Variants in ABCB9 observed in about 807,000 individuals in gnomAD.
ABCB9 encodes the protein ATP binding cassette subfamily B member 9, also known as ABC-type oligopeptide transporter ABCB9.
Under a neutral mutation model 62.0 loss-of-function variants are expected in ABCB9, and 36 were observed. The ratio of observed to expected loss-of-function variants is 0.58; its 90% CI spans 0.45 to 0.77. ABCB9 has a LOEUF of 0.77. ABCB9 is among the 30% of genes least tolerant of loss of function. The pLI is 0.00. For missense variants in ABCB9, 943 were observed against 1,054.7 expected (o/e 0.89, Z 1.47); for synonymous variants, 435 against 461.4 (o/e 0.94, Z 0.73).
rs1035168072 is a variant in ABCB9 at position 122,923,548 on chromosome 12, C to G, written c.2041-2505G>C. 2.6e-5 allele frequency among the ~76,000 whole-genome samples: 4 copies of G among 152,284 alleles called. No homozygotes were observed. The East Asian group carries it at 7.7e-4, about 29-fold the overall frequency. On this transcript the variant is annotated intron_variant, in intron 11 of 11. Transcript: ENST00000344275. Reference sequence around the variant, plus strand: ...TCGTGATCCGCCCGCCTTGGCCTCCCAAAGTGCTGGGATTACAGACATGAG... The same window carrying G: ...TCGTGATCCGCCCGCCTTGGCCTCCGAAAGTGCTGGGATTACAGACATGAG...
chr12:122,974,166 G>T (rs2037341311), intron 1 of ABCB9, among the ~76,000 whole-genome samples: 1 of 152,206 alleles, frequency 6.6e-6, no homozygotes, highest in Admixed American at 6.5e-5. Context: ...GGGTGGCTGG[G>T]GAGCCGACCT....
intron 2 of ABCB9, 130 bp from the exon 3 acceptor site, chr12:122,950,695 ACT>A: frequency 1.4e-6 from 1 of 729,828 alleles, no homozygotes; most frequent in Non-Finnish European, 2.2e-6. Context: ...CCCTCGGCAA[ACT>A]CTTGCTGCCC....
intron 10 of ABCB9, among the ~76,000 whole-genome samples, chr12:122,934,229 C>T (rs2035341064): frequency 6.6e-6 from 1 of 152,154 alleles, no homozygotes; most frequent in Admixed American, 6.6e-5. Context: ...GCCTGGGCGA[C>T]AGAGTGAGAC....
In ABCB9 at chr12:122,930,511, G is replaced by A. The variant is rs1422936140; in HGVS notation, c.2041-340C>T. On this transcript the variant is annotated intron_variant, in intron 11 of 11. Coordinates refer to ENST00000280560, the MANE Select transcript of ABCB9 (RefSeq NM_019625.4). This position sits in a 1 kb window ranked among gnomAD's most constrained non-coding sequence, Gnocchi z 4.9. Reference sequence around the variant, plus strand: ...CAACCTCTGCCTCGTGGGTTCAATCGAGTCTCACGCCTCAGCTTCCCAAGT... The same window carrying A: ...CAACCTCTGCCTCGTGGGTTCAATCAAGTCTCACGCCTCAGCTTCCCAAGT... Among the ~76,000 whole-genome samples, 9 of 150,234 alleles carry A rather than the reference G, an allele frequency of 6.0e-5. No individual in the cohort carries two copies. The highest frequency in any genetic ancestry group is 7.4e-5 in the Non-Finnish European group (5 of 67,710).
At chr12:122,969,368 C>T (rs1467432645), upstream of ABCB9, among the ~76,000 whole-genome samples, 1 of 152,208 alleles carries the variant, frequency 6.6e-6, no homozygotes, top group Non-Finnish European at 1.5e-5. Context: ...GGTTGCACAA[C>T]TCTGTGAATA....
downstream of ABCB9, among the ~76,000 whole-genome samples, chr12:122,919,068 C>T (rs1030373577): frequency 2.8e-4 from 42 of 152,296 alleles, no homozygotes; most frequent in African/African-American, 9.6e-4. Flanking sequence ...CATGTACCAG[C>T]ACTTCATTCC....
downstream of ABCB9, among the ~76,000 whole-genome samples, chr12:122,920,564 G>T (rs536627404): frequency 1.6e-4 from 24 of 151,986 alleles, no homozygotes; most frequent in Admixed American, 1.6e-3. Flanking sequence ...TGCATTAACC[G>T]TAGTAGCTGC....
chr12:122,947,057 G>A lies in ABCB9; in HGVS notation c.1054-835C>T, dbSNP rs552317696. On this transcript the variant is annotated intron_variant, in intron 5 of 11. Coordinates refer to ENST00000280560, the MANE Select transcript of ABCB9 (RefSeq NM_019625.4). This position sits in a 1 kb window ranked among gnomAD's most constrained non-coding sequence, Gnocchi z 6.0. The stretch of plus-strand genomic sequence containing the variant: ...TGTGTGTGGTTTGTGGAGATGACTC[G>A]CTGGCTACACACAACACATTCAGGC... Among the ~76,000 whole-genome samples, 2 of 152,342 alleles carry A rather than the reference G, an allele frequency of 1.3e-5. No individual in the cohort carries two copies. The highest frequency in any genetic ancestry group is 4.8e-5 in the African/African-American group (2 of 41,576).
Position 122,959,913 on chromosome 12 carries a change from C to A in ABCB9, c.323G>T (p.Arg108Leu). ...MVKLLLFSEV[R>L]RPIRDPWFWA... Reference sequence around the variant, plus strand: ...AAACCAGGGGTCCCGGATGGGCCTGCGCACCTCTGAGAAGAGCAGCAGCTT... The same window carrying A: ...AAACCAGGGGTCCCGGATGGGCCTGAGCACCTCTGAGAAGAGCAGCAGCTT... The change falls in exon 2 of 12, where the codon CGC becomes CTC. Residue 108 changes from arginine to leucine, a missense_variant. By Grantham distance (102) the Arg-to-Leu change is moderately radical. Transcript: ENST00000280560. The surrounding 1 kb of genome is among the most constrained non-coding windows in gnomAD (Gnocchi z 5.4). 6.2e-7 allele frequency: 1 copy of A among 1,613,446 alleles called. No individual in the cohort carries two copies. Among genetic ancestry groups the A allele is most frequent in the Non-Finnish European group, 8.5e-7 (1 of 1,179,920 alleles).
At chr12:122,924,920 A>G (rs904002150), downstream of ABCB9, 7 of 1,189,908 alleles carry the variant, frequency 5.9e-6, no homozygotes, top group Admixed American at 8.1e-5. Context: ...TGACAATTTT[A>G]TATTGTTTGT....
intron 7 of ABCB9, among the ~76,000 whole-genome samples, chr12:122,943,659 C>T (rs567370666): frequency 2.0e-5 from 3 of 151,756 alleles, no homozygotes; most frequent in African/African-American, 7.3e-5. Context: ...GATGGAGTTT[C>T]GCTTTGGTTG....
intron 2 of ABCB9, among the ~76,000 whole-genome samples, chr12:122,951,242 T>A (rs1456104502): frequency 6.4e-5 from 9 of 140,972 alleles, no homozygotes; most frequent in African/African-American, 2.1e-4. Context: ...ATATTTTCCT[T>A]TTTTTTTTTT....
At chr12:122,933,594 GCATTCACAATGT>G in intron 10 of ABCB9, among the ~76,000 whole-genome samples, 1 of 151,334 alleles carries the variant, frequency 6.6e-6, no homozygotes, top group African/African-American at 2.4e-5. Context: ...GGCATTTAGT[GCATTCACAATGT>G]TGCACAACCA....
In ABCB9 at chr12:122,959,496, C is replaced by A; in HGVS notation, c.601+139G>T. The A allele has an allele frequency of 2.2e-6, 3 of 1,376,434 alleles. No individual in the cohort carries two copies. The highest frequency in any genetic ancestry group is 2.9e-6 in the Non-Finnish European group (3 of 1,021,306). 85.3% of individuals were successfully genotyped at this position (1,376,434 alleles called of 1,614,324 possible). A position where few individuals can be genotyped will look rare whatever the true frequency, so the allele number is the denominator to read the frequency against. ...AAAGTGCTGGGATTATAGATATGAG[C>A]CACTATGCCTGGCCTCTTTTCCTTT... On this transcript the variant is annotated intron_variant, in intron 2 of 11. Coordinates refer to ENST00000280560, the MANE Select transcript of ABCB9 (RefSeq NM_019625.4). The surrounding 1 kb of genome is among the most constrained non-coding windows in gnomAD (Gnocchi z 5.4).
In ABCB9 at chr12:122,949,777, G is replaced by T. The variant is rs571820405; in HGVS notation, c.847+11C>A. On this transcript the variant is annotated intron_variant, in intron 4 of 11. Transcript: ENST00000280560. Reference sequence around the variant, plus strand: ...AGCCCCCAGGACACCTAGGGCACTGGAAGGACCAACCTGTGCGGTTCTCAT... The same window carrying T: ...AGCCCCCAGGACACCTAGGGCACTGTAAGGACCAACCTGTGCGGTTCTCAT... 1 of 1,613,970 alleles carries T rather than the reference G, an allele frequency of 6.2e-7. No individual in the cohort carries two copies. Among genetic ancestry groups the T allele is most frequent in the African/African-American group, 1.3e-5 (1 of 75,054 alleles).
intron 2 of ABCB9, among the ~76,000 whole-genome samples, chr12:122,958,246 C>T (rs2135903085): frequency 6.6e-6 from 1 of 150,762 alleles, no homozygotes; most frequent in East Asian, 1.9e-4. Context: ...GATGGGAGAC[C>T]AACTAAATAA....
In ABCB9 at chr12:122,932,121, G is replaced by C; in HGVS notation, c.2040+71C>G. The C allele has an allele frequency of 6.5e-7, 1 of 1,547,856 alleles. No homozygotes were observed. The highest frequency in any genetic ancestry group is 8.7e-7 in the Non-Finnish European group (1 of 1,145,858). ...GCCCGTCTCTTCTCAGCATCCATCT[G>C]CTGGGCGATGGGGGCTCTGGCCACC... On this transcript the variant is annotated intron_variant, in intron 11 of 11. Coordinates refer to ENST00000280560, the MANE Select transcript of ABCB9 (RefSeq NM_019625.4). This position sits in a 1 kb window ranked among gnomAD's most constrained non-coding sequence, Gnocchi z 4.7.
rs767919531 is a variant in ABCB9 at position 122,959,852 on chromosome 12, G to A, written c.384C>T (p.Gly128=). 20 of 1,613,246 alleles carry A rather than the reference G, an allele frequency of 1.2e-5. No homozygotes were observed. The Middle Eastern group carries it at 4.9e-4, about 40-fold the overall frequency. ...GCAGCCACCAGAGCAGGAAGGATGC[G>A]CCGAGTGAAATGTACGTCCACACGA... The part of the protein sequence containing the change: ...ALFVWTYISL[G]ASFLLWWLLS... The change falls in exon 2 of 12, where the codon GGC becomes GGT. Residue 128 remains glycine, a synonymous_variant. Coordinates refer to ENST00000280560, the MANE Select transcript of ABCB9 (RefSeq NM_019625.4). This position sits in a 1 kb window ranked among gnomAD's most constrained non-coding sequence, Gnocchi z 5.4.
Position 122,929,662 on chromosome 12 carries a change from C to T in ABCB9, c.*249G>A. 8.0e-7 allele frequency: 1 copy of T among 1,242,252 alleles called. No individual in the cohort carries two copies. The highest frequency in any genetic ancestry group is 1.0e-6 in the Non-Finnish European group (1 of 992,658). The allele number at this position is 1,242,252 out of a possible 1,614,324, so 77.0% of individuals were successfully genotyped here. A position where few individuals can be genotyped will look rare whatever the true frequency, so the allele number is the denominator to read the frequency against. On this transcript the variant is annotated 3_prime_UTR_variant, in exon 12 of 12. Transcript: ENST00000280560. The surrounding 1 kb of genome is among the most constrained non-coding windows in gnomAD (Gnocchi z 6.0). ...GTAAGACCTAGGTTTAAAAAGGCAG[C>T]TCTACCTTTGCTTAGGAGGCTAGGG...
Sources: allele counts gnomAD v4.1 joint callset (sites outside exome capture counted in the v4.1 genomes callset), GRCh38; gene constraint gnomAD v4.1.1; non-coding constraint Gnocchi (gnomAD v3.1); transcripts MANE v1.5; gene names NCBI Gene and HGNC (gene_info 2026-07-23, HGNC 2026-07-21).